The following MB variants were observed in gnomAD, a reference collection of about 807,000 sequenced individuals.
The protein encoded by MB is myoglobin, also known as nitrite reductase MB.
MB carries 10 observed loss-of-function variants against 14.5 expected under a neutral mutation model. That is an observed-to-expected ratio of 0.69 (90% CI 0.43 to 1.17). MB has a LOEUF of 1.17. MB is among the 50% of genes most tolerant of loss of function. The pLI is 0.00. For synonymous variants in MB, 89 were observed against 78.6 expected, an observed-to-expected ratio of 1.13 and a Z score of -0.70; for missense variants, 169 against 192.7, an observed-to-expected ratio of 0.88 and a Z score of 0.73.
At chr22:35,610,826 C>T (rs910708713) in intron 2 of MB, 58 bp downstream of exon 2, 3 of 1,391,022 alleles carry the variant, frequency 2.2e-6, no homozygotes, top group Non-Finnish European at 3.0e-6. Flanking sequence ...ACCCAGATCC[C>T]ATTGCCCCAC....
chr22:35,607,795 C>T (rs962863857), intron 2 of MB, among the ~76,000 whole-genome samples: 17 of 152,310 alleles, frequency 1.1e-4, no homozygotes, highest in African/African-American at 3.6e-4. Flanking sequence ...CAGGTGAGAG[C>T]TCAGAGCACC....
intron 1 of MB, among the ~76,000 whole-genome samples, chr22:35,613,916 C>T (rs1310270110): frequency 6.6e-6 from 1 of 152,236 alleles, no homozygotes; most frequent in African/African-American, 2.4e-5. Flanking sequence ...AGGAGCCCCC[C>T]AGGCAGCCAC....
intron 1 of MB, 124 bp downstream of exon 1, chr22:35,617,039 G>A (rs17795829): frequency 0.018 from 12,998 of 738,150 alleles, 757 homozygotes; most frequent in South Asian, 0.14. Flanking sequence ...GCAAGTGACC[G>A]TTCTAACACC....
Position 35,607,150 on chromosome 22 carries a change from C to T in MB, c.*147G>A, listed in dbSNP as rs1449051006. On this transcript the variant is annotated 3_prime_UTR_variant, in exon 3 of 3. Coordinates refer to ENST00000397326, the MANE Select transcript of MB (RefSeq NM_005368.3). ...GGGCATGCAAAGCCAACTTCAACAC[C>T]CCAGCCCCAGCCCCTCAGCTCCTCC... 14 of 938,390 alleles carry T rather than the reference C, an allele frequency of 1.5e-5. No individual in the cohort carries two copies. Among genetic ancestry groups the T allele is most frequent in the Non-Finnish European group, 2.2e-5 (14 of 641,824 alleles). 58.1% of individuals were successfully genotyped at this position (938,390 alleles called of 1,614,324 possible).
rs1195757873 is a variant in MB at position 35,607,244 on chromosome 22, C to G, written c.*53G>C. ...TATATGGCTACACGAGATCAGACCC[C>G]GCTCTCTCTTGAACCCGGGGCCCAG... On this transcript the variant is annotated 3_prime_UTR_variant, in exon 3 of 3. Transcript: ENST00000397326. The G allele has an allele frequency of 1.9e-6, 3 of 1,572,324 alleles. No individual in the cohort carries two copies. Among genetic ancestry groups the G allele is most frequent in the South Asian group, 1.1e-5 (1 of 87,714 alleles).
chr22:35,607,573 G>T, intron 2 of MB, 130 bp from the exon 3 acceptor site: 1 of 812,420 alleles, frequency 1.2e-6, no homozygotes, highest in Non-Finnish European at 2.0e-6. Flanking sequence ...GGCACCAGGT[G>T]AGAGTCTGTG....
At chr22:35,622,127 G>A (rs1162821480), upstream of MB, 1 of 152,262 alleles carries the variant, frequency 6.6e-6, no homozygotes, top group African/African-American at 2.4e-5. Flanking sequence ...GATCAAAGAT[G>A]TGGCAAGAAG....
In MB at chr22:35,607,211, G is replaced by T; in HGVS notation, c.*86C>A. The stretch of plus-strand genomic sequence containing the variant: ...TACTAAACAAAGCAGACACTCAGAA[G>T]CAAACTCTATATGGCTACACGAGAT... On this transcript the variant is annotated 3_prime_UTR_variant, in exon 3 of 3. Coordinates refer to ENST00000397326, the MANE Select transcript of MB (RefSeq NM_005368.3). 1 of 1,448,310 alleles carries T rather than the reference G, an allele frequency of 6.9e-7. No homozygotes were observed. The highest frequency in any genetic ancestry group is 2.3e-5 in the East Asian group (1 of 43,246). The allele number at this position is 1,448,310 out of a possible 1,614,324, so 89.7% of individuals were successfully genotyped here.
At chr22:35,614,721 C>A (rs183492813) in intron 1 of MB, among the ~76,000 whole-genome samples, 94 of 135,954 alleles carry the variant, frequency 6.9e-4, no homozygotes, top group Admixed American at 1.7e-3. Context: ...CTTTCTCCTC[C>A]TCATCATCTC....
intron 2 of MB, 152 bp downstream of exon 2, chr22:35,610,732 G>A (rs1922543207): frequency 6.3e-6 from 4 of 634,354 alleles, no homozygotes; most frequent in Non-Finnish European, 1.1e-5. Context: ...GTGGGTGGCA[G>A]TCCCCTTTAC....
intron 1 of MB, among the ~76,000 whole-genome samples, chr22:35,614,896 C>G (rs1165362390): frequency 6.6e-6 from 1 of 152,074 alleles, no homozygotes; most frequent in Admixed American, 6.6e-5. Context: ...ACCTTGAAAT[C>G]CTTTGTTCCC....
intron 1 of MB, among the ~76,000 whole-genome samples, chr22:35,611,634 C>T (rs1479558502): frequency 6.6e-6 from 1 of 152,180 alleles, no homozygotes; most frequent in Admixed American, 6.5e-5. Context: ...GTTTTGAGCC[C>T]AAGCTGTGAC....
intron 2 of MB, among the ~76,000 whole-genome samples, chr22:35,609,100 T>G (rs948422367): frequency 1.3e-5 from 2 of 152,190 alleles, no homozygotes; most frequent in African/African-American, 4.8e-5. Context: ...TATCCAACAC[T>G]CGGCTTCTTC....
In MB at chr22:35,612,040, G is replaced by C. The variant is rs552862767; in HGVS notation, c.96-934C>G. On this transcript the variant is annotated intron_variant, in intron 1 of 2. Coordinates refer to ENST00000397326, the MANE Select transcript of MB (RefSeq NM_005368.3). ...GGCCAAGGTCACTTGGCTAGCTAGC[G>C]GCAGAGCCCAGACCTAAACCCAAAA... is the stretch of plus-strand genomic sequence containing the variant. 2.0e-5 allele frequency among the ~76,000 whole-genome samples: 3 copies of C among 151,924 alleles called. No homozygotes were observed. The East Asian group carries it at 5.8e-4, about 29-fold the overall frequency.
upstream of MB, among the ~76,000 whole-genome samples, chr22:35,618,746 A>G (rs1387248636): frequency 6.6e-6 from 1 of 150,628 alleles, no homozygotes; most frequent in Non-Finnish European, 1.5e-5. Flanking sequence ...CTATCCATCT[A>G]TCCATCCATC....
chr22:35,620,568 G>C (rs1601848715), upstream of MB, among the ~76,000 whole-genome samples: 2 of 152,316 alleles, frequency 1.3e-5, no homozygotes, highest in African/African-American at 2.4e-5. Flanking sequence ...TCCAGGGTGT[G>C]AGAGAGGAGG....
At position 35,617,003 on chromosome 22, in the gene MB, C is replaced by T. The variant is rs369230151; in HGVS notation, c.95+160G>A. ...CTCCTTTCCCTCTCCTGAGTCCAATCCCTGACACTTAAAAGCAAAGAAAAA... is the reference window on the plus strand; with the variant it reads ...CTCCTTTCCCTCTCCTGAGTCCAATTCCTGACACTTAAAAGCAAAGAAAAA... On this transcript the variant is annotated intron_variant, in intron 1 of 2. Transcript: ENST00000397326. 5.6e-5 allele frequency: 35 copies of T among 619,908 alleles called. 1 individual carries two copies. Among genetic ancestry groups the T allele is most frequent in the East Asian group, 4.2e-4 (15 of 35,718 alleles). The allele number at this position is 619,908 out of a possible 1,614,324, so 38.4% of individuals were successfully genotyped here.
chr22:35,611,134 G>T, intron 1 of MB, 28 bp from the exon 2 acceptor site: 1 of 1,556,518 alleles, frequency 6.4e-7, no homozygotes, highest in South Asian at 1.1e-5. Flanking sequence ...GCTGGAGTCG[G>T]CATGGGAGGT....
At chr22:35,618,828 C>A (rs916710066), upstream of MB, among the ~76,000 whole-genome samples, 12 of 151,474 alleles carry the variant, frequency 7.9e-5, no homozygotes, top group African/African-American at 2.9e-4. Flanking sequence ...TCCACCCATC[C>A]CCTCATTCAT....
Sources: allele counts gnomAD v4.1 joint callset (sites outside exome capture counted in the v4.1 genomes callset), GRCh38; gene constraint gnomAD v4.1.1; transcripts MANE v1.5; gene names NCBI Gene and HGNC (gene_info 2026-07-23, HGNC 2026-07-21).